TG: variants seen among roughly 807,000 people sequenced by gnomAD.
TG encodes thyroid hormones.
TG carries 270 observed loss-of-function variants against 324.7 expected under a neutral mutation model. The ratio of observed to expected loss-of-function variants is 0.83; its 90% CI spans 0.75 to 0.92. The LOEUF (loss-of-function observed/expected upper bound fraction) is 0.92, where lower values mean the gene tolerates loss of function less well. Among genes scored for constraint, TG ranks in the 40% least tolerant of loss-of-function variants. TG has a pLI of 0.00. For missense variants in TG, 3,591 were observed against 3,456.4 expected, an observed-to-expected ratio of 1.04 and a Z score of -0.98; for synonymous variants, 1,401 against 1,327.0, an observed-to-expected ratio of 1.06 and a Z score of -1.21.
intron 13 of TG, 35 bp downstream of exon 13, chr8:132,898,281 C>T (rs747155732): frequency 4.5e-6 from 7 of 1,554,012 alleles, no homozygotes; most frequent in Non-Finnish European, 5.2e-6. Context: ...CTCCTGACCC[C>T]CCTTGGTGGG....
chr8:133,011,838 C>CGGCT (rs1834535758), intron 35 of TG, 63 bp from the exon 36 acceptor site: 2 of 1,611,162 alleles, frequency 1.2e-6, no homozygotes, highest in African/African-American at 2.7e-5. Context: ...GGGTAATACA[C>CGGCT]GGCTGTCTTT....
Position 133,007,440 on chromosome 8 carries a change from G to C in TG, c.6263-4461G>C, listed in dbSNP as rs138576240. On this transcript the variant is annotated intron_variant, in intron 35 of 47. Coordinates refer to ENST00000220616, the MANE Select transcript of TG (RefSeq NM_003235.5). ...AAAGTCTTTAATTTTTCTTGGGCCAGATATTGTTACACAGACCAAAAATAT... is the reference window on the plus strand; with the variant it reads ...AAAGTCTTTAATTTTTCTTGGGCCACATATTGTTACACAGACCAAAAATAT... Among the ~76,000 whole-genome samples, 658 of 152,120 alleles carry C rather than the reference G, an allele frequency of 4.3e-3. 7 individuals carry two copies. The highest frequency in any genetic ancestry group is 0.015 in the African/African-American group (624 of 41,492).
rs773694618 is a variant in TG, at chr8:132,869,812, G to A, written c.260G>A (p.Gly87Glu). 4.3e-6 allele frequency: 7 copies of A among 1,614,044 alleles called. No homozygotes were observed. The highest frequency in any genetic ancestry group is 5.1e-6 in the Non-Finnish European group (6 of 1,180,032). The change falls in exon 3 of 48, where the codon GGA becomes GAA. Residue 87 changes from glycine to glutamate, a missense_variant. By Grantham distance (98) the Gly-to-Glu change is moderately conservative. Transcript: ENST00000220616. The stretch of plus-strand genomic sequence containing the variant: ...GAAGTGCTGGGCAGCAGGCAGCCAG[G>A]ACGGCCTGTGGCTTGTAAGTGGGAG... ...GSEVLGSRQP[G>E]RPVACLSFCQ...
chr8:132,899,962 GC>G (rs1233709323), intron 14 of TG, among the ~76,000 whole-genome samples: 2 of 152,156 alleles, frequency 1.3e-5, no homozygotes, highest in Admixed American at 6.5e-5. Flanking sequence ...GTGAGTTGTT[GC>G]CCCACTTTCC....
intron 20 of TG, among the ~76,000 whole-genome samples, chr8:132,918,289 A>G (rs1820658962): frequency 6.6e-6 from 1 of 152,182 alleles, no homozygotes; most frequent in Non-Finnish European, 1.5e-5. Flanking sequence ...AGGCTGGGCA[A>G]GGCAGGTTGG....
chr8:132,941,235 G>A (rs964499396), intron 25 of TG, 116 bp from the exon 26 acceptor site: 23 of 1,266,088 alleles, frequency 1.8e-5, no homozygotes, highest in Admixed American at 1.1e-4. Flanking sequence ...TGGCCCACAC[G>A]CTGCCTGGAG....
At chr8:133,049,863 C>G (rs1840081903) in intron 41 of TG, 1 of 1,246,694 alleles carries the variant, frequency 8.0e-7, no homozygotes, top group Non-Finnish European at 1.2e-6. Flanking sequence ...CCAGCATACG[C>G]ATCATGCTTA....
At chr8:133,107,275 C>T (rs774461214) in intron 43 of TG, among the ~76,000 whole-genome samples, 4 of 152,288 alleles carry the variant, frequency 2.6e-5, no homozygotes, top group Middle Eastern at 3.4e-3. Context: ...ATCCACTGGG[C>T]CCCAAGACAT....
At position 133,022,002 on chromosome 8, in the gene TG, G is replaced by A. The variant is rs372742222; in HGVS notation, c.6888G>A (p.Ala2296=). The A allele has an allele frequency of 3.5e-5, 57 of 1,614,144 alleles. No individual in the cohort carries two copies. Among genetic ancestry groups the A allele is most frequent in the Middle Eastern group, 1.6e-4 (1 of 6,062 alleles). The change falls in exon 40 of 48, where the codon GCG becomes GCA. Residue 2296 remains alanine, a synonymous_variant. Coordinates refer to ENST00000220616, the MANE Select transcript of TG (RefSeq NM_003235.5). ...VFIPQNVAPN[A]SVLVFFHNTM... is the part of the protein sequence containing the mutation. Reference sequence around the variant, plus strand: ...TCCAATACCCACAGGCCCCTAACGCGTCTGTGCTGGTGTTCTTCCACAACA... The same window carrying A: ...TCCAATACCCACAGGCCCCTAACGCATCTGTGCTGGTGTTCTTCCACAACA...
chr8:133,126,432 T>C (rs1564217132), intron 45 of TG, among the ~76,000 whole-genome samples: 1 of 152,208 alleles, frequency 6.6e-6, no homozygotes, highest in Non-Finnish European at 1.5e-5. Context: ...ACAGCCGTTA[T>C]CATACTTTAT....
At chr8:132,934,638 C>T (rs1461590270) in intron 24 of TG, among the ~76,000 whole-genome samples, 1 of 152,186 alleles carries the variant, frequency 6.6e-6, no homozygotes, top group Non-Finnish European at 1.5e-5. Context: ...CAGGCCATTG[C>T]CTCTTCAGTG....
chr8:132,906,284 G>A (rs1808867685), intron 16 of TG, among the ~76,000 whole-genome samples: 1 of 152,100 alleles, frequency 6.6e-6, no homozygotes, highest in Non-Finnish European at 1.5e-5. Flanking sequence ...GGGATGGCTG[G>A]GTGGCTGGTG....
intron 41 of TG, among the ~76,000 whole-genome samples, chr8:133,057,006 A>G (rs573335084): frequency 5.9e-4 from 90 of 152,310 alleles, no homozygotes; most frequent in African/African-American, 2.1e-3. Flanking sequence ...ATTCTGATGC[A>G]GGTGGTGCGA....
chr8:133,033,946 T>C (rs935779466), intron 41 of TG, among the ~76,000 whole-genome samples: 20 of 152,270 alleles, frequency 1.3e-4, no homozygotes, highest in Non-Finnish European at 2.5e-4. Flanking sequence ...TCCTTAACAC[T>C]TAGCACAGCG....
chr8:132,883,954 T>A (rs1301397949), intron 8 of TG, among the ~76,000 whole-genome samples: 1 of 152,082 alleles, frequency 6.6e-6, no homozygotes, highest in Non-Finnish European at 1.5e-5. Flanking sequence ...TAGGGGAGGA[T>A]CCTTTCTTTC....
In TG at chr8:132,886,932, G is replaced by A; in HGVS notation, c.1560G>A (p.Lys520=). 6.2e-7 allele frequency: 1 copy of A among 1,614,194 alleles called. No homozygotes were observed. Among genetic ancestry groups the A allele is most frequent in the Middle Eastern group, 1.6e-4 (1 of 6,062 alleles). ...LNGGRQEDLA[K]PLSVGLDSNS... is the part of the protein sequence containing the mutation. ...GAGGGAGACAAGAAGATTTGGCCAA[G>A]CCACTCTCTGTGGGATTAGATTCAA... is the stretch of plus-strand genomic sequence containing the variant. Residue 520 remains lysine (K), a synonymous_variant, in exon 9 of 48, where the codon AAG becomes AAA. Coordinates refer to ENST00000220616, the MANE Select transcript of TG (RefSeq NM_003235.5).
chr8:132,898,053 AC>A, intron 12 of TG, 115 bp from the exon 13 acceptor site: 2 of 1,073,894 alleles, frequency 1.9e-6, no homozygotes, highest in South Asian at 2.7e-5. Context: ...TAGACTGGGG[AC>A]AGAAGGCGAC....
intron 41 of TG, among the ~76,000 whole-genome samples, chr8:133,086,061 T>C: frequency 6.6e-6 from 1 of 152,332 alleles, no homozygotes; most frequent in Non-Finnish European, 1.5e-5. Flanking sequence ...ACACTACTAA[T>C]ACCTGCTATA....
intron 27 of TG, among the ~76,000 whole-genome samples, chr8:132,956,424 C>T (rs1288955205): frequency 6.6e-6 from 1 of 152,172 alleles, no homozygotes; most frequent in Non-Finnish European, 1.5e-5. Flanking sequence ...GAGAAGATCT[C>T]TGAATACTGC....
Sources: allele counts gnomAD v4.1 joint callset (sites outside exome capture counted in the v4.1 genomes callset), GRCh38; gene constraint gnomAD v4.1.1; transcripts MANE v1.5; gene names NCBI Gene and HGNC (gene_info 2026-07-23, HGNC 2026-07-21).